KLF12: variants seen among roughly 807,000 people sequenced by gnomAD.
KLF12 encodes Krueppel-like factor 12.
KLF12 carries 9 observed loss-of-function variants against 37.8 expected under a neutral mutation model. The observed-to-expected ratio is 0.24, with a 90% CI of 0.14 to 0.42. KLF12 has a LOEUF of 0.42. Ranked by LOEUF, KLF12 falls within the 10% of genes least tolerant of loss-of-function variation. The probability of loss-of-function intolerance (pLI) is 1.00; values close to 1 mark genes in which losing one functional copy is unlikely to be tolerated. For missense variants in KLF12, 411 were observed against 516.0 expected (o/e 0.80, Z 1.97); for synonymous variants, 208 against 202.1 (o/e 1.03, Z -0.25).
chr13:73,846,075 G>T lies in KLF12; in HGVS notation c.422C>A (p.Thr141Lys). ...CACAAGGGGCCCTGGAGTTAATACT[G>T]TTGACGAAGATGACGCTGAAGATAC... Residue 141 changes from threonine (T) to lysine (K), a missense_variant, in exon 4 of 8, where the codon ACA becomes AAA. Around this residue, in one of 2 missense-constraint regions of KLF12, gnomAD observed 351 missense variants for 397.8 expected, o/e 0.88. Transcript: ENST00000377669. The T allele has an allele frequency of 6.2e-7, 1 of 1,614,098 alleles. No homozygotes were observed.
the KLF12 span, among the ~76,000 whole-genome samples, chr13:74,292,604 C>T: frequency 6.6e-6 from 1 of 152,182 alleles, no homozygotes; most frequent in African/African-American, 2.4e-5. Context: ...TGCAACTTCC[C>T]AAATAAGCCT....
chr13:74,180,635 T>C, the KLF12 span, among the ~76,000 whole-genome samples: 1 of 152,214 alleles, frequency 6.6e-6, no homozygotes, highest in Admixed American at 6.5e-5. Context: ...AGGCAAATCT[T>C]TAAGAAGAAT....
intron 5 of KLF12, among the ~76,000 whole-genome samples, chr13:73,812,352 A>G (rs4885123): frequency 0.34 from 50,619 of 150,922 alleles, 8,831 homozygotes; most frequent in East Asian, 0.64. Flanking sequence ...GTATACCTGA[A>G]ATTTTCTAGG....
At chr13:74,268,958 C>G in the KLF12 span, among the ~76,000 whole-genome samples, 1 of 152,084 alleles carries the variant, frequency 6.6e-6, no homozygotes, top group East Asian at 1.9e-4. Flanking sequence ...AATAGAGTTG[C>G]TAGTTCACAG....
At chr13:74,115,800 C>A (rs2079103939) in intron 1 of KLF12, among the ~76,000 whole-genome samples, 1 of 152,086 alleles carries the variant, frequency 6.6e-6, no homozygotes, top group Non-Finnish European at 1.5e-5. Context: ...ATCCTTACAA[C>A]CCCTGCCTCT....
At chr13:73,720,198 A>C (rs1189285569) in intron 6 of KLF12, among the ~76,000 whole-genome samples, 1 of 152,122 alleles carries the variant, frequency 6.6e-6, no homozygotes, top group East Asian at 1.9e-4. Flanking sequence ...ATCTCACTCG[A>C]GGGCTGTCCA....
the KLF12 span, among the ~76,000 whole-genome samples, chr13:74,162,540 G>C: frequency 6.6e-6 from 1 of 152,210 alleles, no homozygotes; most frequent in Non-Finnish European, 1.5e-5. Flanking sequence ...GTCTGTGTGT[G>C]TGTAAAATAA....
the KLF12 span, among the ~76,000 whole-genome samples, chr13:74,158,741 A>C: frequency 1.3e-5 from 2 of 152,100 alleles, no homozygotes; most frequent in Admixed American, 1.3e-4. Flanking sequence ...TAAGAATATG[A>C]AGAAGAAAAT....
At chr13:74,102,983 A>AGAG (rs1876446699) in intron 1 of KLF12, among the ~76,000 whole-genome samples, 1 of 152,158 alleles carries the variant, frequency 6.6e-6, no homozygotes, top group Non-Finnish European at 1.5e-5. Context: ...TTGGAACTCT[A>AGAG]TTCACCTGTT....
At chr13:74,152,918 AATAATAATAAT>A in the KLF12 span, among the ~76,000 whole-genome samples, 1 of 148,796 alleles carries the variant, frequency 6.7e-6, no homozygotes, top group East Asian at 2.0e-4. Context: ...TAATAATAAT[AATAATAATAAT>A]AAAAACAGAG....
chr13:73,774,153 A>G (rs756317449), intron 5 of KLF12, among the ~76,000 whole-genome samples: 1 of 152,148 alleles, frequency 6.6e-6, no homozygotes, highest in Admixed American at 6.5e-5. Flanking sequence ...TTGTATAAAT[A>G]AAAAGAGATG....
At chr13:74,058,530 G>T (rs1478727885) in intron 1 of KLF12, among the ~76,000 whole-genome samples, 1 of 150,972 alleles carries the variant, frequency 6.6e-6, no homozygotes, top group Non-Finnish European at 1.5e-5. Context: ...TAATTTTTTT[G>T]TATTTTTAGT....
At chr13:74,064,964 G>C (rs1370630328) in intron 1 of KLF12, among the ~76,000 whole-genome samples, 1 of 151,980 alleles carries the variant, frequency 6.6e-6, no homozygotes, top group African/African-American at 2.4e-5. Context: ...TACTGTTTTT[G>C]ACTCATACAC....
At chr13:74,063,683 T>C in intron 1 of KLF12, among the ~76,000 whole-genome samples, 1 of 152,190 alleles carries the variant, frequency 6.6e-6, no homozygotes, top group East Asian at 1.9e-4. Flanking sequence ...ACTTTAGTGA[T>C]TAATACTCAA....
At chr13:73,937,188 C>A (rs369486839) in intron 3 of KLF12, among the ~76,000 whole-genome samples, 14 of 146,740 alleles carry the variant, frequency 9.5e-5, no homozygotes, top group East Asian at 2.0e-4. Flanking sequence ...GACTCCGTCT[C>A]AAAAAAAAAT....
At chr13:74,100,625 A>ATC (rs144511523) in intron 1 of KLF12, among the ~76,000 whole-genome samples, 2,545 of 151,668 alleles carry the variant, frequency 0.017, 48 homozygotes, top group Middle Eastern at 0.034. Context: ...TCAAATATAT[A>ATC]TATATATATG....
intron 3 of KLF12, among the ~76,000 whole-genome samples, chr13:73,937,422 C>T (rs4883959): frequency 0.93 from 140,988 of 152,218 alleles, 66,206 homozygotes; most frequent in Non-Finnish European, 1. Flanking sequence ...ATGCTCAAAT[C>T]ACTCAGAGTA....
chr13:74,118,224 AT>A (rs1167933427), intron 1 of KLF12, among the ~76,000 whole-genome samples: 2 of 152,190 alleles, frequency 1.3e-5, no homozygotes, highest in Non-Finnish European at 2.9e-5. Context: ...AATGTTGAGA[AT>A]TGTTAAGGTT....
At chr13:74,155,753 T>G in the KLF12 span, among the ~76,000 whole-genome samples, 2 of 152,208 alleles carry the variant, frequency 1.3e-5, no homozygotes, top group East Asian at 3.8e-4. Flanking sequence ...CAATTCCAAT[T>G]AAATCTTCCG....
Sources: allele counts gnomAD v4.1 joint callset (sites outside exome capture counted in the v4.1 genomes callset), GRCh38; gene constraint gnomAD v4.1.1; regional missense constraint gnomAD v4.1.1; transcripts MANE v1.5; gene names NCBI Gene and HGNC (gene_info 2026-07-23, HGNC 2026-07-21).